The following NRG3 variants were observed in gnomAD, a reference collection of about 807,000 sequenced individuals.
NRG3 encodes pro-neuregulin-3, membrane-bound isoform.
A neutral mutation model predicts 66.9 loss-of-function variants in NRG3; 31 were observed. The ratio of observed to expected loss-of-function variants is 0.46; its 90% confidence interval spans 0.35 to 0.63. The LOEUF (loss-of-function observed/expected upper bound fraction) is 0.63. Ranked by LOEUF, NRG3 falls within the 20% of genes least tolerant of loss-of-function variation. NRG3 has a pLI of 0.00. For missense variants in NRG3, 910 were observed against 878.9 expected, an observed-to-expected ratio of 1.04 and a Z score of -0.45; for synonymous variants, 393 against 359.4, an observed-to-expected ratio of 1.09 and a Z score of -1.06.
intron 2 of NRG3, among the ~76,000 whole-genome samples, chr10:82,706,112 C>A (rs1306900342): frequency 1.3e-5 from 2 of 151,918 alleles, no homozygotes; most frequent in African/African-American, 4.8e-5. Flanking sequence ...TTTTTTTTAT[C>A]AATCTACAGC....
At chr10:82,727,495 G>T (rs546377598) in intron 2 of NRG3, among the ~76,000 whole-genome samples, 1 of 152,234 alleles carries the variant, frequency 6.6e-6, no homozygotes, top group Admixed American at 6.5e-5. Flanking sequence ...CTTCCATGTG[G>T]TGTTGAGCCT....
chr10:82,416,743 T>C (rs1313382861), intron 2 of NRG3, among the ~76,000 whole-genome samples: 1 of 152,158 alleles, frequency 6.6e-6, no homozygotes, highest in African/African-American at 2.4e-5. Flanking sequence ...ATCTTGTCTT[T>C]CACTCGCCTC....
intron 4 of NRG3, among the ~76,000 whole-genome samples, chr10:82,924,554 G>A (rs1846789828): frequency 1.4e-5 from 2 of 146,660 alleles, no homozygotes; most frequent in Non-Finnish European, 1.5e-5. Flanking sequence ...AGTCTTCTAT[G>A]TACTGAAATC....
intron 1 of NRG3, among the ~76,000 whole-genome samples, chr10:81,964,138 A>G (rs930200840): frequency 1.3e-5 from 2 of 152,156 alleles, no homozygotes; most frequent in Non-Finnish European, 2.9e-5. Flanking sequence ...CTCCAGACAT[A>G]TTCTCTGCAT....
chr10:81,962,863 G>A (rs75755214), intron 1 of NRG3, among the ~76,000 whole-genome samples: 5,101 of 152,266 alleles, frequency 0.034, 109 homozygotes, highest in Non-Finnish European at 0.048. Flanking sequence ...CAGTATGGTG[G>A]TCAGGGAAAA....
At chr10:82,877,032 AAAAAAAAG>A (rs926581530) in intron 4 of NRG3, among the ~76,000 whole-genome samples, 10 of 152,070 alleles carry the variant, frequency 6.6e-5, no homozygotes, top group African/African-American at 2.4e-4. Context: ...AAGAAAAAAA[AAAAAAAAG>A]AAAGAAAGTA....
intron 1 of NRG3, among the ~76,000 whole-genome samples, chr10:82,219,604 A>T (rs976555874): frequency 1.3e-5 from 2 of 152,104 alleles, no homozygotes; most frequent in Non-Finnish European, 2.9e-5. Context: ...CAAATAGTGT[A>T]TCATAGCAAA....
intron 3 of NRG3, among the ~76,000 whole-genome samples, chr10:82,864,189 T>C (rs1407160836): frequency 6.6e-6 from 1 of 152,118 alleles, no homozygotes; most frequent in Non-Finnish European, 1.5e-5. Flanking sequence ...TTGTACAACG[T>C]TGTGAATGTA....
intron 1 of NRG3, among the ~76,000 whole-genome samples, chr10:82,157,730 T>A (rs2071290151): frequency 1.8e-5 from 1 of 55,496 alleles, no homozygotes; most frequent in Non-Finnish European, 3.3e-5. Context: ...ATTGGCAGAA[T>A]GTTTGTGGTG....
intron 1 of NRG3, among the ~76,000 whole-genome samples, chr10:82,337,896 T>G (rs1382557059): frequency 6.6e-6 from 1 of 152,204 alleles, no homozygotes; most frequent in Non-Finnish European, 1.5e-5. Context: ...AAGTAATATT[T>G]TAATCATATT....
Position 82,602,661 on chromosome 10 carries a change from A to G in NRG3, c.954-135916A>G, listed in dbSNP as rs546966771. Among the ~76,000 whole-genome samples, 3 of 152,302 alleles carry G rather than the reference A, an allele frequency of 2.0e-5. No homozygotes were observed. The South Asian group carries it at 6.2e-4, about 32-fold the overall frequency. Reference sequence around the variant, plus strand: ...ACCTAATATGTTTTTTTGAGAATTGAATGAGATCATATATGAAGACCCAAG... The same window carrying G: ...ACCTAATATGTTTTTTTGAGAATTGGATGAGATCATATATGAAGACCCAAG... On this transcript the variant is annotated intron_variant, in intron 2 of 8. Coordinates refer to ENST00000372141, the MANE Select transcript of NRG3 (RefSeq NM_001010848.4).
At chr10:82,497,171 T>A (rs1168444277) in intron 2 of NRG3, among the ~76,000 whole-genome samples, 1 of 152,194 alleles carries the variant, frequency 6.6e-6, no homozygotes, top group Non-Finnish European at 1.5e-5. Context: ...TTGGCTCTCT[T>A]CATCCTTCTC....
At chr10:81,947,615 G>C (rs1306333228) in intron 1 of NRG3, among the ~76,000 whole-genome samples, 1 of 151,022 alleles carries the variant, frequency 6.6e-6, no homozygotes, top group African/African-American at 2.4e-5. Context: ...GAGTAGGCAT[G>C]TTCTATGAGT....
intron 2 of NRG3, among the ~76,000 whole-genome samples, chr10:82,604,103 A>G (rs1342165243): frequency 2.0e-5 from 3 of 152,158 alleles, no homozygotes; most frequent in Non-Finnish European, 4.4e-5. Flanking sequence ...TGTGGCATAC[A>G]TTCTATGAGT....
chr10:82,454,147 T>C (rs1300070056), intron 2 of NRG3, among the ~76,000 whole-genome samples: 1 of 152,220 alleles, frequency 6.6e-6, no homozygotes, highest in Non-Finnish European at 1.5e-5. Context: ...TATTTTGTTC[T>C]TTAGTCATCT....
intron 4 of NRG3, among the ~76,000 whole-genome samples, chr10:82,866,442 A>G (rs1415171149): frequency 6.6e-6 from 1 of 152,160 alleles, no homozygotes; most frequent in African/African-American, 2.4e-5. Context: ...AAGTGTTGAG[A>G]GTTAATTAGA....
intron 3 of NRG3, among the ~76,000 whole-genome samples, chr10:82,793,256 A>C (rs2060662523): frequency 6.6e-6 from 1 of 151,824 alleles, no homozygotes; most frequent in Non-Finnish European, 1.5e-5. Context: ...TTTGAGTGGG[A>C]GTTTGTTGTG....
chr10:82,628,940 A>G (rs1020679562), intron 2 of NRG3, among the ~76,000 whole-genome samples: 1 of 152,212 alleles, frequency 6.6e-6, no homozygotes, highest in African/African-American at 2.4e-5. Flanking sequence ...AAATTTATTC[A>G]GAACACTTGA....
intron 2 of NRG3, among the ~76,000 whole-genome samples, chr10:82,480,180 T>C (rs1842149667): frequency 6.6e-6 from 1 of 152,162 alleles, no homozygotes; most frequent in Non-Finnish European, 1.5e-5. Context: ...AGTAGATTAG[T>C]GGTTGTCTAG....
Sources: gnomAD v4.1 joint callset for allele counts (sites outside exome capture counted in the v4.1 genomes callset) on GRCh38, gnomAD v4.1.1 for gene constraint, MANE v1.5 for transcripts, NCBI Gene and HGNC (gene_info 2026-07-23, HGNC 2026-07-21) for gene names.